ADGRL2: variants seen among roughly 807,000 people sequenced by gnomAD.
ADGRL2 encodes the protein calcium-independent alpha-latrotoxin receptor 2.
In ADGRL2, 44 loss-of-function variants were observed where a neutral mutation model predicts 157.4. The observed-to-expected ratio is 0.28, with a 90% CI of 0.22 to 0.36. The LOEUF (loss-of-function observed/expected upper bound fraction) is 0.36, where lower values mean the gene tolerates loss of function less well. ADGRL2 is among the 10% of genes least tolerant of loss of function. The pLI, the probability that ADGRL2 is intolerant of heterozygous loss-of-function variation, is 1.00. For synonymous variants in ADGRL2, 585 were observed against 624.7 expected, an observed-to-expected ratio of 0.94 and a Z score of 0.95; for missense variants, 1,510 against 1,768.9, an observed-to-expected ratio of 0.85 and a Z score of 2.63.
chr1:81,703,061 C>T (rs912479246), intron 1 of ADGRL2, among the ~76,000 whole-genome samples: 5 of 152,092 alleles, frequency 3.3e-5, no homozygotes, highest in South Asian at 2.1e-4. Flanking sequence ...ATTAATACAG[C>T]GTGAGAACCA....
chr1:81,759,661 T>C (rs2085805280), intron 1 of ADGRL2, among the ~76,000 whole-genome samples: 1 of 152,160 alleles, frequency 6.6e-6, no homozygotes. Context: ...AACAACTTAA[T>C]GCATCATGCT....
intron 1 of ADGRL2, among the ~76,000 whole-genome samples, chr1:81,399,852 T>G (rs1570851778): frequency 6.6e-6 from 1 of 152,286 alleles, no homozygotes; most frequent in Admixed American, 6.5e-5. Context: ...TTCCTTGCTT[T>G]TTCATGTTTC....
intron 3 of ADGRL2, among the ~76,000 whole-genome samples, chr1:81,925,376 C>T (rs1304200644): frequency 6.6e-6 from 1 of 151,458 alleles, no homozygotes; most frequent in Non-Finnish European, 1.5e-5. Flanking sequence ...TATTTTACTG[C>T]CAAAATATTT....
At chr1:81,834,456 T>G (rs1258816087) in intron 1 of ADGRL2, among the ~76,000 whole-genome samples, 2 of 152,158 alleles carry the variant, frequency 1.3e-5, no homozygotes, top group Non-Finnish European at 2.9e-5. Context: ...AATGCCTTCT[T>G]GGGATTAGTG....
chr1:81,442,163 A>G (rs1202444561), intron 1 of ADGRL2, among the ~76,000 whole-genome samples: 1 of 152,196 alleles, frequency 6.6e-6, no homozygotes, highest in Non-Finnish European at 1.5e-5. Context: ...TCTAGAAAAT[A>G]TTGAAAATTC....
chr1:81,557,247 C>T lies in ADGRL2; in HGVS notation c.-247-23629C>T, dbSNP rs868707817. The T allele has an allele frequency of 8.2e-5, 16 of 194,182 alleles. 1 individual carries two copies. In the Middle Eastern group the frequency reaches 4.5e-3, roughly 55 times the overall value. The allele number at this position is 194,182 out of a possible 1,614,324, so 12.0% of individuals were successfully genotyped here. On this transcript the variant is annotated intron_variant, in intron 2 of 24. Transcript: ENST00000370721. Reference sequence around the variant, plus strand: ...GATGTCCTCCAGCACCTGGTGCCAGCGGCTCAGCTTTATCAAGTGCTTCTG... The same window carrying T: ...GATGTCCTCCAGCACCTGGTGCCAGTGGCTCAGCTTTATCAAGTGCTTCTG...
At chr1:81,619,305 AAACC>A (rs2148704324) in intron 3 of ADGRL2, among the ~76,000 whole-genome samples, 1 of 151,958 alleles carries the variant, frequency 6.6e-6, no homozygotes, top group East Asian at 1.9e-4. Flanking sequence ...GTCTGCCTTC[AAACC>A]ACCTGCCGTG....
At chr1:81,646,557 G>A (rs2082318740) in intron 3 of ADGRL2, among the ~76,000 whole-genome samples, 1 of 152,186 alleles carries the variant, frequency 6.6e-6, no homozygotes, top group Non-Finnish European at 1.5e-5. Context: ...GGGAAAATGA[G>A]ATACTAGAGT....
chr1:81,400,458 A>C (rs2076732622), intron 1 of ADGRL2, among the ~76,000 whole-genome samples: 1 of 151,798 alleles, frequency 6.6e-6, no homozygotes, highest in Admixed American at 6.6e-5. Flanking sequence ...CTGTGATTTT[A>C]CCCCGGGAGA....
At chr1:81,431,639 AT>A (rs1268504743) in intron 1 of ADGRL2, among the ~76,000 whole-genome samples, 1 of 152,234 alleles carries the variant, frequency 6.6e-6, no homozygotes, top group East Asian at 1.9e-4. Flanking sequence ...ATAGAATTTT[AT>A]TTGGTGATTT....
intron 2 of ADGRL2, among the ~76,000 whole-genome samples, chr1:81,524,258 C>T (rs989928814): frequency 6.6e-5 from 10 of 152,002 alleles, no homozygotes; most frequent in South Asian, 2.1e-4. Flanking sequence ...CCCAGCTACT[C>T]GGGAGGCTGA....
At chr1:81,555,200 G>A in intron 2 of ADGRL2, among the ~76,000 whole-genome samples, 1 of 151,552 alleles carries the variant, frequency 6.6e-6, no homozygotes, top group East Asian at 1.9e-4. Flanking sequence ...TCTAGTAAGA[G>A]ACTGTATAAA....
intron 3 of ADGRL2, among the ~76,000 whole-genome samples, chr1:81,650,589 A>G (rs1389030185): frequency 2.0e-5 from 3 of 151,420 alleles, no homozygotes; most frequent in South Asian, 2.1e-4. Context: ...AAAAAAAAAA[A>G]AAAAGAAAAA....
intron 2 of ADGRL2, among the ~76,000 whole-genome samples, chr1:81,896,241 C>G (rs1018552841): frequency 6.6e-6 from 1 of 152,008 alleles, no homozygotes. Flanking sequence ...TAGGACAATG[C>G]GAATGACTTC....
rs12569103 is a variant in ADGRL2, at chr1:81,346,100, C to T, written c.-302+39591C>T. Among the ~76,000 whole-genome samples, 1,324 of 152,086 alleles carry T rather than the reference C, an allele frequency of 8.7e-3. 20 individuals carry two copies. The highest frequency in any genetic ancestry group is 0.073 in the East Asian group (379 of 5,184). ...ACTGTTAACCCAAAGCTAAGTTGCA[C>T]GCTGATAAATATTAGAAATATTGAC... On this transcript the variant is annotated intron_variant, in intron 1 of 24. Coordinates refer to the ADGRL2 transcript ENST00000370721.
chr1:81,660,548 G>T (rs2148877481), intron 3 of ADGRL2, among the ~76,000 whole-genome samples: 1 of 152,236 alleles, frequency 6.6e-6, no homozygotes, highest in East Asian at 1.9e-4. Context: ...CTCCAAACCA[G>T]TTCTCCCTGT....
Position 81,602,054 on chromosome 1 carries a change from G to A in ADGRL2, c.-143+21074G>A, listed in dbSNP as rs191918848. ...CAATCTACAAGCTGCAAACACAAAT[G>A]AAGACCTGCCCCTTCCTGAGTTTCA... On this transcript the variant is annotated intron_variant, in intron 3 of 24. Transcript: ENST00000370721. Among the ~76,000 whole-genome samples, 166 of 152,228 alleles carry A rather than the reference G, an allele frequency of 1.1e-3. 1 individual carries two copies. The highest frequency in any genetic ancestry group is 3.8e-3 in the African/African-American group (157 of 41,544).
At chr1:81,867,189 T>C (rs2093565848) in intron 2 of ADGRL2, among the ~76,000 whole-genome samples, 1 of 152,182 alleles carries the variant, frequency 6.6e-6, no homozygotes, top group African/African-American at 2.4e-5. Flanking sequence ...GGTAATAAAT[T>C]ACTTTTATGA....
chr1:81,668,235 A>C (rs1457378700), intron 3 of ADGRL2, among the ~76,000 whole-genome samples: 1 of 152,008 alleles, frequency 6.6e-6, no homozygotes, highest in African/African-American at 2.4e-5. Flanking sequence ...GACCGGCCTG[A>C]CCAACATGGT....
Sources: allele counts gnomAD v4.1 joint callset (sites outside exome capture counted in the v4.1 genomes callset), GRCh38; gene constraint gnomAD v4.1.1; transcripts MANE v1.5; gene names NCBI Gene and HGNC (gene_info 2026-07-23, HGNC 2026-07-21).